Variants in TAFA1 observed in about 807,000 individuals in gnomAD.
The protein encoded by TAFA1 is chemokine-like protein TAFA-1.
A neutral mutation model predicts 18.5 loss-of-function variants in TAFA1; 4 were observed. The ratio of observed to expected loss-of-function variants is 0.22; its 90% CI spans 0.11 to 0.49. TAFA1 has a LOEUF of 0.49. TAFA1 is among the 20% of genes least tolerant of loss of function. TAFA1 has a pLI of 0.98. For missense variants in TAFA1, 147 were observed against 169.0 expected (o/e 0.87, Z 0.72); for synonymous variants, 56 against 55.2 (o/e 1.01, Z -0.06).
intron 2 of TAFA1, among the ~76,000 whole-genome samples, chr3:68,061,434 A>C (rs1241307972): frequency 6.6e-6 from 1 of 152,182 alleles, no homozygotes; most frequent in African/African-American, 2.4e-5. Context: ...AGCATGCTAG[A>C]ATGATTTCTC....
chr3:68,302,920 C>T (rs1450944876), intron 2 of TAFA1, among the ~76,000 whole-genome samples: 1 of 152,234 alleles, frequency 6.6e-6, no homozygotes, highest in Non-Finnish European at 1.5e-5. Flanking sequence ...CTACTACTAA[C>T]TGTCCATGTG....
rs540898770 is a variant in TAFA1 at position 68,406,494 on chromosome 3, G to A, written c.119-10786G>A. On this transcript the variant is annotated intron_variant, in intron 2 of 4. Transcript: ENST00000478136. ...AGAATACAACTTATTCATTTTAGAT[G>A]TTGGCTCAGGGAAGCTGTGATTCAG... Among the ~76,000 whole-genome samples the A allele has an allele frequency of 4.6e-5, 7 of 152,294 alleles. No homozygotes were observed. The South Asian group carries it at 6.2e-4, about 14-fold the overall frequency.
At chr3:68,209,085 G>A (rs907488385) in intron 2 of TAFA1, among the ~76,000 whole-genome samples, 2 of 151,950 alleles carry the variant, frequency 1.3e-5, no homozygotes, top group African/African-American at 4.8e-5. Flanking sequence ...AAAAAAATGG[G>A]ATGATTGGCC....
chr3:68,437,535 C>A (rs2071285758), intron 3 of TAFA1, among the ~76,000 whole-genome samples: 1 of 152,138 alleles, frequency 6.6e-6, no homozygotes, highest in Non-Finnish European at 1.5e-5. Context: ...AGTCCCAAGG[C>A]AACACAGGGC....
At chr3:68,500,323 A>G (rs567545804) in intron 3 of TAFA1, among the ~76,000 whole-genome samples, 51 of 152,330 alleles carry the variant, frequency 3.3e-4, no homozygotes, top group African/African-American at 1.2e-3. Flanking sequence ...TGTAAAATAC[A>G]ATAAAAATGA....
chr3:68,146,052 CAGAAG>C (rs1273752593), intron 2 of TAFA1, among the ~76,000 whole-genome samples: 1 of 152,176 alleles, frequency 6.6e-6, no homozygotes, highest in African/African-American at 2.4e-5. Flanking sequence ...AGATTTTCTA[CAGAAG>C]GAACCTCTGT....
chr3:68,018,318 C>T (rs2106791159), intron 2 of TAFA1, among the ~76,000 whole-genome samples: 1 of 152,176 alleles, frequency 6.6e-6, no homozygotes, highest in East Asian at 1.9e-4. Context: ...CCTGTGGGGC[C>T]TTTCACACCT....
intron 2 of TAFA1, among the ~76,000 whole-genome samples, chr3:68,309,478 C>T (rs2068478995): frequency 6.6e-6 from 1 of 152,108 alleles, no homozygotes; most frequent in Non-Finnish European, 1.5e-5. Flanking sequence ...AAAATTTAAC[C>T]CATGTCTATC....
At chr3:68,460,931 A>G (rs1424719638) in intron 3 of TAFA1, among the ~76,000 whole-genome samples, 1 of 152,222 alleles carries the variant, frequency 6.6e-6, no homozygotes, top group Non-Finnish European at 1.5e-5. Flanking sequence ...CTTCCTCCAG[A>G]AACAGCTAAA....
At chr3:68,007,966 C>T (rs1467266176) in intron 2 of TAFA1, among the ~76,000 whole-genome samples, 1 of 152,236 alleles carries the variant, frequency 6.6e-6, no homozygotes, top group African/African-American at 2.4e-5. Flanking sequence ...TCCCGCGCGC[C>T]TGCACCAGGC....
chr3:68,325,892 C>A (rs776066368), intron 2 of TAFA1, among the ~76,000 whole-genome samples: 1 of 152,116 alleles, frequency 6.6e-6, no homozygotes. Context: ...TGACGTGTAT[C>A]TTGCTAGTGA....
chr3:68,325,737 G>C (rs941320231), intron 2 of TAFA1, among the ~76,000 whole-genome samples: 1 of 152,162 alleles, frequency 6.6e-6, no homozygotes, highest in Non-Finnish European at 1.5e-5. Flanking sequence ...ACCCATAGTT[G>C]TGTTAATCAT....
intron 2 of TAFA1, among the ~76,000 whole-genome samples, chr3:68,044,829 G>T (rs532713890): frequency 4.9e-4 from 75 of 152,252 alleles, no homozygotes; most frequent in African/African-American, 1.8e-3. Context: ...TAATACTGTT[G>T]TTGCAGAAAT....
chr3:68,300,718 T>G (rs1181355611), intron 2 of TAFA1, among the ~76,000 whole-genome samples: 1 of 152,146 alleles, frequency 6.6e-6, no homozygotes, highest in East Asian at 1.9e-4. Context: ...AGAGACCAGG[T>G]GGAGGTAATT....
chr3:68,388,111 C>T (rs2070142932), intron 2 of TAFA1, among the ~76,000 whole-genome samples: 1 of 152,028 alleles, frequency 6.6e-6, no homozygotes, highest in South Asian at 2.1e-4. Flanking sequence ...CGTAAAATTC[C>T]TCTTGTTTTA....
At chr3:68,399,760 G>A (rs2070453248) in intron 2 of TAFA1, among the ~76,000 whole-genome samples, 1 of 152,122 alleles carries the variant, frequency 6.6e-6, no homozygotes, top group Admixed American at 6.6e-5. Flanking sequence ...ACTCAATGAG[G>A]TACATAGTTG....
intron 2 of TAFA1, among the ~76,000 whole-genome samples, chr3:68,078,051 T>A (rs1186774905): frequency 1.3e-5 from 2 of 151,808 alleles, no homozygotes; most frequent in South Asian, 2.1e-4. Context: ...GATTCCTAGG[T>A]ATTTTATTCT....
At chr3:68,460,100 G>A (rs565266229) in intron 3 of TAFA1, among the ~76,000 whole-genome samples, 1 of 151,870 alleles carries the variant, frequency 6.6e-6, no homozygotes, top group South Asian at 2.1e-4. Context: ...GGTCTCAGAA[G>A]GAAAGGAAAA....
At chr3:68,365,382 C>A (rs1575807607) in intron 2 of TAFA1, among the ~76,000 whole-genome samples, 2 of 152,170 alleles carry the variant, frequency 1.3e-5, no homozygotes. Context: ...CTGAAAGTTA[C>A]ATGTGACTTC....
Sources: gnomAD v4.1 joint callset for allele counts (sites outside exome capture counted in the v4.1 genomes callset) on GRCh38, gnomAD v4.1.1 for gene constraint, MANE v1.5 for transcripts, NCBI Gene and HGNC (gene_info 2026-07-23, HGNC 2026-07-21) for gene names.